SCYL3: variants seen among roughly 807,000 people sequenced by gnomAD.
SCYL3 encodes the protein protein-associating with the carboxyl-terminal domain of ezrin.
Under a neutral mutation model 73.8 loss-of-function variants are expected in SCYL3, and 35 were observed. The observed-to-expected ratio is 0.47, with a 90% confidence interval of 0.36 to 0.63. The LOEUF (loss-of-function observed/expected upper bound fraction) is 0.63. SCYL3 is among the 20% of genes least tolerant of loss of function. The probability of loss-of-function intolerance (pLI) is 0.00; values close to 1 mark genes in which losing one functional copy is unlikely to be tolerated. For missense variants in SCYL3, 712 were observed against 798.9 expected (o/e 0.89, Z 1.31); for synonymous variants, 277 against 295.2 (o/e 0.94, Z 0.63).
chr1:169,883,880 A>T (rs771393772), intron 2 of SCYL3, among the ~76,000 whole-genome samples: 2 of 151,576 alleles, frequency 1.3e-5, no homozygotes, highest in Non-Finnish European at 2.9e-5. Flanking sequence ...TACCACACCC[A>T]GCTAATTGTT....
chr1:169,875,135 A>C (rs747522509), intron 4 of SCYL3, among the ~76,000 whole-genome samples: 2 of 152,218 alleles, frequency 1.3e-5, no homozygotes, highest in Non-Finnish European at 2.9e-5. Context: ...TTTGTGGTAG[A>C]ACATCTGAAC....
Position 169,849,670 on chromosome 1 carries a change from C to A in SCYL3, c.*4043G>T. ...TTTTAATATTTCAAATATTCCAGAA[C>A]AATCCCAAAACATTTATTGAACTGC... On this transcript the variant is annotated 3_prime_UTR_variant, in exon 13 of 13. Transcript: ENST00000367771. 1 of 1,281,174 alleles carries A rather than the reference C, an allele frequency of 7.8e-7. No homozygotes were observed. The highest frequency in any genetic ancestry group is 1.1e-6 in the Non-Finnish European group (1 of 888,256). 79.4% of individuals were successfully genotyped at this position (1,281,174 alleles called of 1,614,324 possible).
rs1329923101 is a variant in SCYL3 at position 169,851,739 on chromosome 1, T to A, written c.*1974A>T. 7 of 1,546,964 alleles carry A rather than the reference T, an allele frequency of 4.5e-6. No homozygotes were observed. Among genetic ancestry groups the A allele is most frequent in the Non-Finnish European group, 6.1e-6 (7 of 1,145,342 alleles). On this transcript the variant is annotated 3_prime_UTR_variant, in exon 13 of 13. Coordinates refer to ENST00000367771, the MANE Select transcript of SCYL3 (RefSeq NM_020423.7). Reference sequence around the variant, plus strand: ...CCTAGTATGGTTGAACACTCAGCACTTAAATTATGTGGCCATTTCATATCT... The same window carrying A: ...CCTAGTATGGTTGAACACTCAGCACATAAATTATGTGGCCATTTCATATCT...
rs560033265 is a variant in SCYL3, at chr1:169,858,493, T to C, written c.1312+548A>G. ...GTTTCACAGTTAAAGTTTTTTCTTT[T>C]TAATAAGCAGAAGGAATACACTAAT... On this transcript the variant is annotated intron_variant, in intron 11 of 12. Coordinates refer to ENST00000367771, the MANE Select transcript of SCYL3 (RefSeq NM_020423.7). Among the ~76,000 whole-genome samples the C allele has an allele frequency of 4.6e-5, 7 of 152,324 alleles. No homozygotes were observed. The South Asian group carries it at 1.5e-3, about 32-fold the overall frequency.
chr1:169,866,832 C>A, intron 8 of SCYL3, 64 bp downstream of exon 8: 3 of 903,928 alleles, frequency 3.3e-6, no homozygotes, highest in Admixed American at 2.3e-5. Flanking sequence ...TCTAGAATAC[C>A]TAAAGTGATT....
intron 11 of SCYL3, among the ~76,000 whole-genome samples, chr1:169,857,679 T>C (rs1183508947): frequency 6.6e-6 from 1 of 152,234 alleles, no homozygotes; most frequent in African/African-American, 2.4e-5. Flanking sequence ...ATGTTGTTAC[T>C]TGAAAACAAA....
intron 5 of SCYL3, 67 bp from the exon 6 acceptor site, chr1:169,870,424 A>G: frequency 9.8e-7 from 1 of 1,016,272 alleles, no homozygotes; most frequent in Non-Finnish European, 1.5e-6. Flanking sequence ...TTTTCTCTGA[A>G]GCACCTTCTC....
chr1:169,852,391 T>C lies in SCYL3; in HGVS notation c.*1322A>G. 3.6e-6 allele frequency: 1 copy of C among 276,848 alleles called. No homozygotes were observed. The highest frequency in any genetic ancestry group is 6.9e-6 in the Non-Finnish European group (1 of 145,452). 17.1% of individuals were successfully genotyped at this position (276,848 alleles called of 1,614,324 possible). ...TTCAAAATATTGTTTTGAGCACTATTAGTATAGTAATTAGTATAGTAGTAA... is the reference window on the plus strand; with the variant it reads ...TTCAAAATATTGTTTTGAGCACTATCAGTATAGTAATTAGTATAGTAGTAA... On this transcript the variant is annotated 3_prime_UTR_variant, in exon 13 of 13. Coordinates refer to ENST00000367771, the MANE Select transcript of SCYL3 (RefSeq NM_020423.7).
intron 9 of SCYL3, among the ~76,000 whole-genome samples, chr1:169,863,207 G>A (rs528740935): frequency 6.6e-6 from 1 of 152,122 alleles, no homozygotes; most frequent in South Asian, 2.1e-4. Context: ...CACCGCGCCC[G>A]GCCAGTATTC....
intron 3 of SCYL3, among the ~76,000 whole-genome samples, chr1:169,876,816 A>G (rs1421603805): frequency 2.6e-5 from 4 of 151,950 alleles, no homozygotes; most frequent in Admixed American, 6.6e-5. Flanking sequence ...TTAGCCGGGC[A>G]TGGTGGCGGG....
chr1:169,873,183 T>C (rs1487891218), intron 5 of SCYL3, among the ~76,000 whole-genome samples: 1 of 152,134 alleles, frequency 6.6e-6, no homozygotes, highest in Non-Finnish European at 1.5e-5. Flanking sequence ...GAGGTAGATC[T>C]CTCCTGTGCT....
At chr1:169,857,892 A>C (rs1005218519) in intron 11 of SCYL3, among the ~76,000 whole-genome samples, 1 of 152,204 alleles carries the variant, frequency 6.6e-6, no homozygotes, top group Admixed American at 6.5e-5. Flanking sequence ...GATAATTATA[A>C]CACAGTGGTA....
intron 10 of SCYL3, chr1:169,859,733 G>A (rs1433617765): frequency 2.6e-5 from 4 of 152,400 alleles, no homozygotes; most frequent in Non-Finnish European, 5.9e-5. Flanking sequence ...AGTTTATATA[G>A]GTTTACTCAA....
intron 2 of SCYL3, among the ~76,000 whole-genome samples, chr1:169,881,839 G>C (rs1419676749): frequency 1.3e-5 from 2 of 152,210 alleles, no homozygotes; most frequent in Non-Finnish European, 2.9e-5. Flanking sequence ...CAAATCATCA[G>C]GCATTAGTTA....
chr1:169,863,158 G>A (rs1364635279), intron 9 of SCYL3, among the ~76,000 whole-genome samples: 3 of 152,136 alleles, frequency 2.0e-5, no homozygotes, highest in African/African-American at 7.2e-5. Context: ...TGATCCACCT[G>A]CCTCGGTGTC....
At chr1:169,878,232 C>T (rs1660994089) in intron 3 of SCYL3, among the ~76,000 whole-genome samples, 1 of 152,194 alleles carries the variant, frequency 6.6e-6, no homozygotes, top group Non-Finnish European at 1.5e-5. Context: ...TCATTTCTTT[C>T]TTCAAAATCT....
chr1:169,891,104 G>A (rs572649837), intron 1 of SCYL3, among the ~76,000 whole-genome samples: 1 of 152,290 alleles, frequency 6.6e-6, no homozygotes, highest in African/African-American at 2.4e-5. Flanking sequence ...CCAGATCATT[G>A]TCTCCCCCAG....
intron 11 of SCYL3, among the ~76,000 whole-genome samples, chr1:169,857,776 A>G (rs1319962767): frequency 6.6e-6 from 1 of 152,230 alleles, no homozygotes; most frequent in Non-Finnish European, 1.5e-5. Flanking sequence ...ACATGTTCTG[A>G]GAAATGCATC....
Position 169,854,804 on chromosome 1 carries a change from T to G in SCYL3, c.1473A>C (p.Ile491=), listed in dbSNP as rs1419443962. The G allele has an allele frequency of 6.2e-7, 1 of 1,614,014 alleles. No individual in the cohort carries two copies. Among genetic ancestry groups the G allele is most frequent in the South Asian group, 1.1e-5 (1 of 91,080 alleles). The change falls in exon 12 of 13, where the codon ATA becomes ATC. Residue 491 remains isoleucine, a synonymous_variant. Coordinates refer to ENST00000367771, the MANE Select transcript of SCYL3 (RefSeq NM_020423.7). The part of the protein sequence containing the change: ...PEEPENQTVN[I]QIWPREPCDD... The stretch of plus-strand genomic sequence containing the variant: ...CACAAGGTTCTCTAGGCCAAATCTG[T>G]ATGTTGACAGTTTGATTTTCAGGCT...
Sources: allele counts gnomAD v4.1 joint callset (sites outside exome capture counted in the v4.1 genomes callset), GRCh38; gene constraint gnomAD v4.1.1; transcripts MANE v1.5; gene names NCBI Gene and HGNC (gene_info 2026-07-23, HGNC 2026-07-21).